CA12: variants seen among roughly 807,000 people sequenced by gnomAD.
The protein encoded by CA12 is carbonic anhydrase 12.
CA12 carries 36 observed loss-of-function variants against 46.8 expected under a neutral mutation model. The observed-to-expected ratio is 0.77, with a 90% CI of 0.59 to 1.02. The LOEUF is 1.02. Among genes scored for constraint, CA12 ranks in the 50% least tolerant of loss-of-function variants. The pLI, the probability that CA12 is intolerant of heterozygous loss-of-function variation, is 0.00. For synonymous variants in CA12, 202 were observed against 187.0 expected (o/e 1.08, Z -0.65); for missense variants, 436 against 451.4 (o/e 0.97, Z 0.31).
chr15:63,372,881 C>T lies in CA12; in HGVS notation c.106+2777G>A, dbSNP rs1242491177. Among the ~76,000 whole-genome samples the T allele has an allele frequency of 1.3e-5, 2 of 152,218 alleles. No homozygotes were observed. Among genetic ancestry groups the T allele is most frequent in the Non-Finnish European group, 2.9e-5 (2 of 68,036 alleles). ...GACTTGCCTTTGTGCTTACCCCATG[C>T]ATGTCCATGCATCATTAGACTCTGC... On this transcript the variant is annotated intron_variant, in intron 2 of 10. Transcript: ENST00000178638. The surrounding 1 kb of genome is among the most constrained non-coding windows in gnomAD (Gnocchi z 4.5).
rs2039188595 is a variant in CA12, at chr15:63,348,899, GA to G, written c.107-2191del. 6.6e-6 allele frequency among the ~76,000 whole-genome samples: 1 copy of G among 152,238 alleles called. No homozygotes were observed. Among genetic ancestry groups the G allele is most frequent in the African/African-American group, 2.4e-5 (1 of 41,470 alleles). On this transcript the variant is annotated intron_variant, in intron 2 of 10. Transcript: ENST00000178638. This position sits in a 1 kb window ranked among gnomAD's most constrained non-coding sequence, Gnocchi z 4.6. ...AGGGCTTGGGAAAATGTGACTTGGG[GA>G]ATGTTTCCTTTTTCTCTTGCTCTAA...
rs754603534 is a variant in CA12, at chr15:63,346,550, A to G, written c.266T>C (p.Leu89Pro). ...CTCACCTGAATGGCCATTGTTGGTCAGGAGAAACTGCTTGTTGGCAGACAG... is the reference window on the plus strand; with the variant it reads ...CTCACCTGAATGGCCATTGTTGGTCGGGAGAAACTGCTTGTTGGCAGACAG... ...YNLSANKQFL[L>P]TNNGHSVKLN... The change falls in exon 3 of 11, where the codon CTG (leucine) becomes CCG (proline). Residue 89 changes from leucine (L) to proline (P), a missense_variant. Leu to Pro is a moderately conservative substitution (Grantham distance 98). Coordinates refer to ENST00000178638, the MANE Select transcript of CA12 (RefSeq NM_001218.5). 17 of 1,613,936 alleles carry G rather than the reference A, an allele frequency of 1.1e-5. 1 individual carries two copies. The South Asian group carries it at 1.8e-4, about 17-fold the overall frequency.
At chr15:63,362,382 T>C (rs2039374259) in intron 2 of CA12, among the ~76,000 whole-genome samples, 2 of 152,200 alleles carry the variant, frequency 1.3e-5, no homozygotes, top group Non-Finnish European at 2.9e-5. Flanking sequence ...AAGCCTGAGC[T>C]CTGAACCATG....
chr15:63,328,857 C>T lies in CA12; in HGVS notation c.875-727G>A, dbSNP rs529660865. Among the ~76,000 whole-genome samples, 5 of 152,262 alleles carry T rather than the reference C, an allele frequency of 3.3e-5. No homozygotes were observed. The highest frequency in any genetic ancestry group is 1.9e-4 in the East Asian group (1 of 5,176). ...CTGGGACTGCAGGCGTGCACCACAA[C>T]GCTTGGCTAATTTTTGTATTTTTAG... is the stretch of plus-strand genomic sequence containing the variant. On this transcript the variant is annotated intron_variant, in intron 8 of 10. Coordinates refer to ENST00000178638, the MANE Select transcript of CA12 (RefSeq NM_001218.5). This position sits in a 1 kb window ranked among gnomAD's most constrained non-coding sequence, Gnocchi z 5.9.
chr15:63,342,185 GA>G (rs2039087492), intron 4 of CA12, 88 bp from the exon 5 acceptor site: 1 of 839,008 alleles, frequency 1.2e-6, no homozygotes, highest in Admixed American at 1.9e-5. Context: ...CAACTGTGAG[GA>G]CAGAACCCCA....
At chr15:63,379,764 A>G (rs2039621332) in intron 1 of CA12, among the ~76,000 whole-genome samples, 1 of 152,154 alleles carries the variant, frequency 6.6e-6, no homozygotes, top group Non-Finnish European at 1.5e-5. Context: ...TCCCTGAGTA[A>G]CCATCTCCTG....
In CA12 at chr15:63,378,480, G is replaced by A. The variant is rs1567057720; in HGVS notation, c.86-2802C>T. Among the ~76,000 whole-genome samples the A allele has an allele frequency of 6.6e-6, 1 of 152,266 alleles. No individual in the cohort carries two copies. Among genetic ancestry groups the A allele is most frequent in the East Asian group, 1.9e-4 (1 of 5,182 alleles). Reference sequence around the variant, plus strand: ...GACTCCCCTGAAACCAGCTATGGGTGCATTGAGAGTTGAGGGTCCCAAGAT... The same window carrying A: ...GACTCCCCTGAAACCAGCTATGGGTACATTGAGAGTTGAGGGTCCCAAGAT... On this transcript the variant is annotated intron_variant, in intron 1 of 10. Transcript: ENST00000178638. This position sits in a 1 kb window ranked among gnomAD's most constrained non-coding sequence, Gnocchi z 4.8.
In CA12 at chr15:63,326,267, C is replaced by T. The variant is rs771165950; in HGVS notation, c.*18G>A. On this transcript the variant is annotated 3_prime_UTR_variant, in exon 11 of 11. Transcript: ENST00000178638. ...AAAGCAAGGTCCTTCCTGGATGTGC[C>T]CGGGAGCTCCGGGGACCTCAAGCGT... The T allele has an allele frequency of 1.2e-6, 2 of 1,610,226 alleles. No individual in the cohort carries two copies. The highest frequency in any genetic ancestry group is 1.7e-6 in the Non-Finnish European group (2 of 1,176,666).
intron 2 of CA12, among the ~76,000 whole-genome samples, chr15:63,364,381 CA>C (rs1403880420): frequency 7.5e-6 from 1 of 134,002 alleles, no homozygotes; most frequent in Non-Finnish European, 1.6e-5. Context: ...GAAACTGCCA[CA>C]AGGAGTCTCT....
In CA12 at chr15:63,346,660, G is replaced by A. The variant is rs1285248490; in HGVS notation, c.156C>T (p.Gly52=). The part of the protein sequence containing the change: ...SWSKKYPSCG[G]LLQSPIDLHS... Reference sequence around the variant, plus strand: ...GCAGGTCTATGGGGGACTGCAGCAGGCCCCCACACGACGGGTACTTCTTGG... The same window carrying A: ...GCAGGTCTATGGGGGACTGCAGCAGACCCCCACACGACGGGTACTTCTTGG... Residue 52 remains glycine, a synonymous_variant, in exon 3 of 11, where the codon GGC becomes GGT. Transcript: ENST00000178638. The A allele has an allele frequency of 6.3e-7, 1 of 1,590,590 alleles. No homozygotes were observed. The highest frequency in any genetic ancestry group is 1.1e-5 in the South Asian group (1 of 90,730).
intron 2 of CA12, among the ~76,000 whole-genome samples, chr15:63,358,936 C>A (rs760162173): frequency 1.3e-4 from 20 of 152,180 alleles, no homozygotes; most frequent in Non-Finnish European, 2.6e-4. Flanking sequence ...ACCCCCCACT[C>A]CTGATTTCTG....
In CA12 at chr15:63,340,376, C is replaced by T. The variant is rs747422711; in HGVS notation, c.659G>A (p.Arg220His). ...LLPERTAEYY[R>H]YRGSLTTPPC... is the part of the protein sequence containing the mutation. ...GGGTGTGGTCAGGGACCCCCGGTAG[C>T]GGTAATATTCAGCGGTCCTCTCCGG... Residue 220 changes from arginine to histidine, a missense_variant, in exon 7 of 11, where the codon CGC becomes CAC. Arg to His is a conservative substitution (Grantham distance 29). Coordinates refer to ENST00000178638, the MANE Select transcript of CA12 (RefSeq NM_001218.5). The surrounding 1 kb of genome is among the most constrained non-coding windows in gnomAD (Gnocchi z 4.4). 1.6e-5 allele frequency: 26 copies of T among 1,613,950 alleles called. No homozygotes were observed. The highest frequency in any genetic ancestry group is 1.6e-4 in the Middle Eastern group (1 of 6,084).
Position 63,340,365 on chromosome 15 carries a change from A to G in CA12, c.670T>C (p.Ser224Pro). ...RTAEYYRYRG[S>P]LTTPPCNPTV... ...GGGTTGCAAGGGGGTGTGGTCAGGGACCCCCGGTAGCGGTAATATTCAGCG... is the reference window on the plus strand; with the variant it reads ...GGGTTGCAAGGGGGTGTGGTCAGGGGCCCCCGGTAGCGGTAATATTCAGCG... Residue 224 changes from serine (S) to proline (P), a missense_variant, in exon 7 of 11, where the codon TCC becomes CCC. Ser to Pro is a moderately conservative substitution (Grantham distance 74). Transcript: ENST00000178638. The surrounding 1 kb of genome is among the most constrained non-coding windows in gnomAD (Gnocchi z 4.4). 2 of 1,613,834 alleles carry G rather than the reference A, an allele frequency of 1.2e-6. No homozygotes were observed. Among genetic ancestry groups the G allele is most frequent in the Non-Finnish European group, 1.7e-6 (2 of 1,179,952 alleles).
chr15:63,340,856 A>T lies in CA12; in HGVS notation c.526-73T>A. The T allele has an allele frequency of 7.6e-7, 1 of 1,313,470 alleles. No individual in the cohort carries two copies. Among genetic ancestry groups the T allele is most frequent in the Non-Finnish European group, 1.1e-6 (1 of 908,598 alleles). 81.4% of individuals were successfully genotyped at this position (1,313,470 alleles called of 1,614,324 possible). ...TGAGCCAGGATTGACGATTGCTATC[A>T]GAAGGGCAAAGCTGTGGGTATGTTG... On this transcript the variant is annotated intron_variant, in intron 5 of 10. Transcript: ENST00000178638. The surrounding 1 kb of genome is among the most constrained non-coding windows in gnomAD (Gnocchi z 4.4).
Position 63,357,445 on chromosome 15 carries a change from G to T in CA12, c.107-10736C>A, listed in dbSNP as rs568481825. Among the ~76,000 whole-genome samples the T allele has an allele frequency of 7.8e-4, 119 of 152,264 alleles. 3 individuals are homozygous for T. In the South Asian group the frequency reaches 0.024, roughly 31 times the overall value. ...GGAATCTCCAAGAGCTCCTGATTTT[G>T]CTCCCAGCCCCAGTCCCTGAGATCA... On this transcript the variant is annotated intron_variant, in intron 2 of 10. Transcript: ENST00000178638.
At chr15:63,326,944 C>T (rs577377679) in intron 10 of CA12, among the ~76,000 whole-genome samples, 4 of 152,236 alleles carry the variant, frequency 2.6e-5, no homozygotes, top group Admixed American at 2.0e-4. Context: ...AGCACAGTGA[C>T]CCCTGAACCC....
In CA12 at chr15:63,340,503, C is replaced by G; in HGVS notation, c.590-58G>C. On this transcript the variant is annotated intron_variant, in intron 6 of 10. Transcript: ENST00000178638. This position sits in a 1 kb window ranked among gnomAD's most constrained non-coding sequence, Gnocchi z 4.4. ...AGCCTCCCTCCGTAGGGCATAAGTG[C>G]AGCTGAACAGAGCGACTGAGCCTAG... The G allele has an allele frequency of 1.9e-6, 3 of 1,600,894 alleles. No individual in the cohort carries two copies. The highest frequency in any genetic ancestry group is 2.6e-6 in the Non-Finnish European group (3 of 1,167,880).
At chr15:63,333,125 C>T (rs2038956784) in intron 8 of CA12, among the ~76,000 whole-genome samples, 1 of 152,088 alleles carries the variant, frequency 6.6e-6, no homozygotes, top group Admixed American at 6.5e-5. Context: ...AAGAATTTTC[C>T]AGATGGAGGA....
intron 1 of CA12, among the ~76,000 whole-genome samples, chr15:63,379,667 G>A (rs976791559): frequency 2.0e-5 from 3 of 152,214 alleles, no homozygotes; most frequent in Admixed American, 6.5e-5. Flanking sequence ...TTCCCCTGGA[G>A]GGAATGCCCA....
Sources: allele counts gnomAD v4.1 joint callset (sites outside exome capture counted in the v4.1 genomes callset), GRCh38; gene constraint gnomAD v4.1.1; non-coding constraint Gnocchi (gnomAD v3.1); transcripts MANE v1.5; gene names NCBI Gene and HGNC (gene_info 2026-07-23, HGNC 2026-07-21).